OR2L3: variants seen among roughly 807,000 people sequenced by gnomAD.
OR2L3 encodes the protein olfactory receptor family 2 subfamily L member 3, also known as olfactory receptor 2L3.
For missense variants in OR2L3, 369 were observed against 376.6 expected (o/e 0.98, Z 0.17); for synonymous variants, 131 against 139.1 (o/e 0.94, Z 0.41).
rs1382536338 is a variant in OR2L3 at position 248,061,203 on chromosome 1, T to C, written c.522T>C (p.Asn174=). Residue 174 remains asparagine (N), a synonymous_variant, in exon 2 of 2, where the codon AAT becomes AAC. Transcript: ENST00000359959. ...CTTATTGCCAATCCAGGGCCATCAA[T>C]CATTTCTTCTGTGATGTCCCAGCAA... ...HIPYCQSRAI[N]HFFCDVPAMV... 6.2e-7 allele frequency: 1 copy of C among 1,612,334 alleles called. No homozygotes were observed. Among genetic ancestry groups the C allele is most frequent in the African/African-American group, 1.4e-5 (1 of 73,938 alleles).
rs1191891307 is a variant in OR2L3, at chr1:248,060,770, T to C, written c.89T>C (p.Ile30Thr). ...SRIGLFLFIL[I>T]VFIFLMALIG... ...ATTGGCCTTTTCCTCTTCATCCTCA[T>C]TGTTTTCATTTTCCTAATGGCTCTA... The change falls in exon 2 of 2, where the codon ATT becomes ACT. Residue 30 changes from isoleucine (I) to threonine (T), a missense_variant. Transcript: ENST00000359959. 3 of 1,614,156 alleles carry C rather than the reference T, an allele frequency of 1.9e-6. No individual in the cohort carries two copies. The highest frequency in any genetic ancestry group is 4.5e-5 in the East Asian group (2 of 44,878).
chr1:248,061,783 ATATATAACTCC>A lies in OR2L3; in HGVS notation c.*164_*174del. On this transcript the variant is annotated 3_prime_UTR_variant, in exon 2 of 2. Transcript: ENST00000359959. ...ACAAAATTGTTTTACATATATATGT[ATATATAACTCC>A]AAACAACCTTTTTTCTTCATGGCAT... 3.6e-6 allele frequency: 2 copies of A among 555,660 alleles called. No homozygotes were observed. The highest frequency in any genetic ancestry group is 5.9e-6 in the Non-Finnish European group (2 of 341,500). The allele number at this position is 555,660 out of a possible 1,614,324, so 34.4% of individuals were successfully genotyped here. A position where few individuals can be genotyped will look rare whatever the true frequency, so the allele number is the denominator to read the frequency against.
intron 1 of OR2L3, among the ~76,000 whole-genome samples, chr1:248,048,569 T>A (rs1182935132): frequency 6.6e-6 from 1 of 152,098 alleles, no homozygotes; most frequent in Non-Finnish European, 1.5e-5. Context: ...ATTCTTACTG[T>A]AGACATGCAG....
intron 1 of OR2L3, among the ~76,000 whole-genome samples, chr1:248,053,363 A>G (rs1333658768): frequency 6.6e-6 from 1 of 152,154 alleles, no homozygotes; most frequent in Non-Finnish European, 1.5e-5. Context: ...ATTAATGGAC[A>G]TTTGGGTTGA....
At chr1:248,056,752 A>G (rs1477673324) in intron 1 of OR2L3, among the ~76,000 whole-genome samples, 1 of 150,584 alleles carries the variant, frequency 6.6e-6, no homozygotes, top group African/African-American at 2.4e-5. Flanking sequence ...GGTTCAAGCA[A>G]TTCTCCTGCC....
intron 1 of OR2L3, among the ~76,000 whole-genome samples, chr1:248,050,834 T>C (rs1203082009): frequency 6.6e-6 from 1 of 152,176 alleles, no homozygotes; most frequent in Non-Finnish European, 1.5e-5. Context: ...ATGACATTTA[T>C]GAAAATTTGC....
In OR2L3 at chr1:248,059,439, C is replaced by A. The variant is rs913303324; in HGVS notation, c.-21-1222C>A. On this transcript the variant is annotated intron_variant, in intron 1 of 1. Coordinates refer to ENST00000359959, the MANE Select transcript of OR2L3 (RefSeq NM_001004687.2). ...TCCATAAAGCAATCTGTAATGTTAT[C>A]TAAGCACTAGAGAAGGAAAAGACAA... 5.9e-5 allele frequency among the ~76,000 whole-genome samples: 9 copies of A among 152,230 alleles called. No individual in the cohort carries two copies. The South Asian group carries it at 1.9e-3, about 32-fold the overall frequency.
chr1:248,061,814 T>A lies in OR2L3; in HGVS notation c.*194T>A. Reference sequence around the variant, plus strand: ...AACTCCAAACAACCTTTTTTCTTCATGGCATTGTTTCCATAAATTTTGAAA... The same window carrying A: ...AACTCCAAACAACCTTTTTTCTTCAAGGCATTGTTTCCATAAATTTTGAAA... On this transcript the variant is annotated 3_prime_UTR_variant, in exon 2 of 2. Transcript: ENST00000359959. 2.3e-6 allele frequency: 1 copy of A among 441,868 alleles called. No individual in the cohort carries two copies. The allele number at this position is 441,868 out of a possible 1,614,324, so 27.4% of individuals were successfully genotyped here.
In OR2L3 at chr1:248,060,994, G is replaced by T. The variant is rs1461885788; in HGVS notation, c.313G>T (p.Ala105Ser). 2.5e-6 allele frequency: 4 copies of T among 1,613,942 alleles called. No individual in the cohort carries two copies. The highest frequency in any genetic ancestry group is 2.2e-5 in the East Asian group (1 of 44,854). Residue 105 changes from alanine (A) to serine (S), a missense_variant, in exon 2 of 2, where the codon GCA becomes TCA. Transcript: ENST00000359959. ...TGGGATTCAGAGTTTCTTCTTCTCG[G>T]CATTAGGAGGTGCAGAAGCACTACT... The part of the protein sequence containing the change: ...GCGIQSFFFS[A>S]LGGAEALLLA...
intron 1 of OR2L3, among the ~76,000 whole-genome samples, chr1:248,056,222 G>T (rs1363068896): frequency 1.3e-5 from 2 of 151,964 alleles, no homozygotes; most frequent in African/African-American, 2.4e-5. Context: ...TGTACAACGT[G>T]CAGGTTAGTT....
At chr1:248,055,446 T>C (rs553946160) in intron 1 of OR2L3, among the ~76,000 whole-genome samples, 2 of 152,276 alleles carry the variant, frequency 1.3e-5, no homozygotes, top group African/African-American at 2.4e-5. Context: ...AGCAGGATGA[T>C]GCTGGCCTCA....
intron 1 of OR2L3, among the ~76,000 whole-genome samples, chr1:248,055,378 C>T (rs1663400640): frequency 6.6e-6 from 1 of 151,996 alleles, no homozygotes; most frequent in Non-Finnish European, 1.5e-5. Context: ...CATTGTTCAT[C>T]AGGGATATTG....
At chr1:248,055,244 T>A (rs1381614407) in intron 1 of OR2L3, among the ~76,000 whole-genome samples, 1 of 152,170 alleles carries the variant, frequency 6.6e-6, no homozygotes, top group East Asian at 1.9e-4. Context: ...ATTACATTCA[T>A]TGATTTGTGT....
intron 1 of OR2L3, among the ~76,000 whole-genome samples, chr1:248,056,536 G>A (rs909192544): frequency 1.3e-5 from 2 of 152,098 alleles, no homozygotes; most frequent in East Asian, 3.8e-4. Flanking sequence ...GCATCCCGGA[G>A]ATTCTGATGA....
intron 1 of OR2L3, among the ~76,000 whole-genome samples, chr1:248,047,600 GCTTTTAA>G (rs1663119911): frequency 6.6e-6 from 1 of 152,138 alleles, no homozygotes. Context: ...AGTGTTTTGT[GCTTTTAA>G]CTTTTACAAT....
intron 1 of OR2L3, among the ~76,000 whole-genome samples, chr1:248,049,739 T>G (rs1446212411): frequency 2.0e-5 from 3 of 152,176 alleles, no homozygotes; most frequent in South Asian, 4.1e-4. Flanking sequence ...GTTTTAATAA[T>G]TTTTTTCTAT....
intron 1 of OR2L3, among the ~76,000 whole-genome samples, chr1:248,059,271 G>A (rs1309918676): frequency 6.6e-6 from 1 of 152,124 alleles, no homozygotes; most frequent in Non-Finnish European, 1.5e-5. Flanking sequence ...GTTCTTTTAG[G>A]CATACTGTGC....
At chr1:248,057,363 C>G (rs771195392) in intron 1 of OR2L3, among the ~76,000 whole-genome samples, 2 of 152,082 alleles carry the variant, frequency 1.3e-5, no homozygotes, top group Non-Finnish European at 2.9e-5. Flanking sequence ...AAATTTTTGT[C>G]GAATTGAACT....
At chr1:248,054,075 G>C (rs1663356646) in intron 1 of OR2L3, among the ~76,000 whole-genome samples, 1 of 152,082 alleles carries the variant, frequency 6.6e-6, no homozygotes, top group African/African-American at 2.4e-5. Context: ...TTCTTCTAGG[G>C]CTTTTATAGT....
Sources: gnomAD v4.1 joint callset for allele counts (sites outside exome capture counted in the v4.1 genomes callset) on GRCh38, gnomAD v4.1.1 for gene constraint, MANE v1.5 for transcripts, NCBI Gene and HGNC (gene_info 2026-07-23, HGNC 2026-07-21) for gene names.